RASGRP3: variants seen among roughly 807,000 people sequenced by gnomAD.
RASGRP3 encodes ras guanyl-releasing protein 3.
Under a neutral mutation model 82.7 loss-of-function variants are expected in RASGRP3, and 54 were observed. The ratio of observed to expected loss-of-function variants is 0.65; its 90% CI spans 0.52 to 0.82. RASGRP3 has a LOEUF of 0.82. Among genes scored for constraint, RASGRP3 ranks in the 40% least tolerant of loss-of-function variants. RASGRP3 has a pLI of 0.00. For synonymous variants in RASGRP3, 309 were observed against 300.5 expected (o/e 1.03, Z -0.29); for missense variants, 861 against 828.9 (o/e 1.04, Z -0.48).
At chr2:33,483,790 A>C (rs1324893112) in intron 1 of RASGRP3, among the ~76,000 whole-genome samples, 1 of 152,136 alleles carries the variant, frequency 6.6e-6, no homozygotes, top group Non-Finnish European at 1.5e-5. Context: ...CGCCCGGCCT[A>C]GTCACTACTT....
At chr2:33,438,168 G>C (rs994241412) in intron 1 of RASGRP3, among the ~76,000 whole-genome samples, 1 of 152,212 alleles carries the variant, frequency 6.6e-6, no homozygotes, top group African/African-American at 2.4e-5. Flanking sequence ...GTTTAAGAAA[G>C]ATAAAATTAT....
intron 1 of RASGRP3, among the ~76,000 whole-genome samples, chr2:33,495,015 T>C (rs1669183628): frequency 6.6e-6 from 1 of 152,188 alleles, no homozygotes; most frequent in African/African-American, 2.4e-5. Flanking sequence ...AGAGTAAACA[T>C]GTGTCAGAAG....
At chr2:33,515,889 A>C (rs1671416422) in intron 3 of RASGRP3, among the ~76,000 whole-genome samples, 1 of 152,270 alleles carries the variant, frequency 6.6e-6, no homozygotes, top group South Asian at 2.1e-4. Flanking sequence ...GATAAAATAC[A>C]GGATGACCAG....
At chr2:33,534,501 A>G in intron 11 of RASGRP3, 101 bp downstream of exon 11, 1 of 786,006 alleles carries the variant, frequency 1.3e-6, no homozygotes, top group Non-Finnish European at 2.1e-6. Flanking sequence ...AAAACGGAAG[A>G]ATTTTAAAAA....
At chr2:33,484,367 A>G (rs1321208245) in intron 1 of RASGRP3, among the ~76,000 whole-genome samples, 3 of 152,226 alleles carry the variant, frequency 2.0e-5, no homozygotes, top group Non-Finnish European at 4.4e-5. Flanking sequence ...AGAATTGGGT[A>G]TAATCTCCAT....
At chr2:33,442,058 A>C (rs1258395933) in intron 1 of RASGRP3, among the ~76,000 whole-genome samples, 1 of 152,198 alleles carries the variant, frequency 6.6e-6, no homozygotes, top group African/African-American at 2.4e-5. Flanking sequence ...AAGTCTACAA[A>C]ATTATGTATA....
At chr2:33,531,148 C>T (rs935027568) in intron 10 of RASGRP3, among the ~76,000 whole-genome samples, 1 of 152,158 alleles carries the variant, frequency 6.6e-6, no homozygotes, top group East Asian at 1.9e-4. Context: ...TTATGATAAA[C>T]AGTCAAGCCA....
chr2:33,537,318 A>ACACACAC lies in RASGRP3; in HGVS notation c.1162-1773_1162-1772insACACCAC, dbSNP rs1553359063. Among the ~76,000 whole-genome samples, 9 of 40,618 alleles carry ACACACAC rather than the reference A, an allele frequency of 2.2e-4. No homozygotes were observed. In the Admixed American group the frequency reaches 2.8e-3, roughly 13 times the overall value. The allele number at this position is 40,618 out of a possible 152,430, so 26.6% of individuals were successfully genotyped here. ...CTGTCTCTAAAATACACACACACAC[A>ACACACAC]CACCGCCCCCCCCACACACACACAC... On this transcript the variant is annotated intron_variant, in intron 11 of 17. Transcript: ENST00000403687.
At chr2:33,496,152 T>A (rs1420073055) in intron 1 of RASGRP3, among the ~76,000 whole-genome samples, 11 of 152,226 alleles carry the variant, frequency 7.2e-5, no homozygotes, top group Non-Finnish European at 1.3e-4. Context: ...GTAGAACTTA[T>A]TAGCTTGCAC....
At chr2:33,446,133 C>A (rs191122389) in intron 1 of RASGRP3, among the ~76,000 whole-genome samples, 1 of 152,148 alleles carries the variant, frequency 6.6e-6, no homozygotes, top group East Asian at 1.9e-4. Context: ...TGTTGGTTCC[C>A]AAATAGGGTA....
intron 1 of RASGRP3, among the ~76,000 whole-genome samples, chr2:33,480,880 G>A (rs1029631961): frequency 6.6e-6 from 1 of 152,162 alleles, no homozygotes; most frequent in African/African-American, 2.4e-5. Flanking sequence ...TCTGTGGTGT[G>A]CAGAGTCGCT....
chr2:33,534,254 A>C, intron 10 of RASGRP3, 69 bp from the exon 11 acceptor site: 1 of 1,135,472 alleles, frequency 8.8e-7, no homozygotes, highest in Non-Finnish European at 1.3e-6. Flanking sequence ...AACTTGAAAA[A>C]AAATTCAGCA....
chr2:33,520,617 G>C lies in RASGRP3; in HGVS notation c.301G>C (p.Glu101Gln). ...LDLGLIRMTE[E>Q]FREVASQLGY... Reference sequence around the variant, plus strand: ...TCTTGGTTTGATTCGTATGACTGAGGAATTTCGGGAAGTAGCTAGTCAACT... The same window carrying C: ...TCTTGGTTTGATTCGTATGACTGAGCAATTTCGGGAAGTAGCTAGTCAACT... Residue 101 changes from glutamate (E) to glutamine (Q), a missense_variant, in exon 6 of 18, where the codon GAA (glutamate) becomes CAA (glutamine). Glu to Gln is a conservative substitution (Grantham distance 29, BLOSUM62 2). Coordinates refer to ENST00000403687, the MANE Select transcript of RASGRP3 (RefSeq NM_001139488.2). The C allele has an allele frequency of 1.9e-6, 3 of 1,613,964 alleles. No individual in the cohort carries two copies. Among genetic ancestry groups the C allele is most frequent in the Non-Finnish European group, 2.5e-6 (3 of 1,179,858 alleles).
chr2:33,520,775 A>C, intron 6 of RASGRP3, 91 bp downstream of exon 6: 1 of 1,516,296 alleles, frequency 6.6e-7, no homozygotes, highest in Non-Finnish European at 9.0e-7. Flanking sequence ...AGTCCATCCC[A>C]CTCCTGAATC....
In RASGRP3 at chr2:33,498,727, C is replaced by T. The variant is rs142824818; in HGVS notation, c.-260-12983C>T. Among the ~76,000 whole-genome samples, 6 of 152,204 alleles carry T rather than the reference C, an allele frequency of 3.9e-5. No individual in the cohort carries two copies. In the East Asian group the frequency reaches 7.7e-4, roughly 20 times the overall value. ...TCTGCCCAGTGCATCCCTGCTTGTG[C>T]GGCTAGGCACAGCTCGGTTCTATGA... On this transcript the variant is annotated intron_variant, in intron 1 of 17. Coordinates refer to ENST00000403687, the MANE Select transcript of RASGRP3 (RefSeq NM_001139488.2).
intron 4 of RASGRP3, among the ~76,000 whole-genome samples, chr2:33,519,593 C>T (rs763642385): frequency 3.5e-4 from 53 of 152,102 alleles, no homozygotes; most frequent in Non-Finnish European, 5.6e-4. Context: ...GGCAACAGAG[C>T]GAGACTCCAT....
intron 1 of RASGRP3, among the ~76,000 whole-genome samples, chr2:33,508,060 G>C (rs1161188493): frequency 6.6e-6 from 1 of 152,186 alleles, no homozygotes; most frequent in Non-Finnish European, 1.5e-5. Context: ...TATGGGGAAT[G>C]ATCAGAATCA....
chr2:33,519,856 G>A, intron 4 of RASGRP3, 96 bp from the exon 5 acceptor site: 1 of 803,638 alleles, frequency 1.2e-6, no homozygotes, highest in Non-Finnish European at 2.1e-6. Context: ...CCCCAGCATG[G>A]TCCTCTTATT....
At chr2:33,472,826 C>T (rs531732221), upstream of RASGRP3, among the ~76,000 whole-genome samples, 5 of 142,352 alleles carry the variant, frequency 3.5e-5, no homozygotes, top group Admixed American at 1.5e-4. Context: ...CGGTGGGTCA[C>T]GCCTATAATC....
Sources: gnomAD v4.1 joint callset for allele counts (sites outside exome capture counted in the v4.1 genomes callset) on GRCh38, gnomAD v4.1.1 for gene constraint, MANE v1.5 for transcripts, NCBI Gene and HGNC (gene_info 2026-07-23, HGNC 2026-07-21) for gene names.